Variants in CARMIL2 observed in about 807,000 individuals in gnomAD.
CARMIL2 encodes the protein capping protein, Arp2/3 and myosin-I linker protein 2.
Under a neutral mutation model 173.3 loss-of-function variants are expected in CARMIL2, and 96 were observed. That is an observed-to-expected ratio of 0.55 (90% CI 0.47 to 0.66). The LOEUF (loss-of-function observed/expected upper bound fraction) is 0.66. Among genes scored for constraint, CARMIL2 ranks in the 30% least tolerant of loss-of-function variants. The probability of loss-of-function intolerance (pLI) is 0.00; values close to 1 mark genes in which losing one functional copy is unlikely to be tolerated. For missense variants in CARMIL2, 1,771 were observed against 1,906.7 expected (o/e 0.93, Z 1.33); for synonymous variants, 830 against 817.1 (o/e 1.02, Z -0.27).
chr16:67,649,329 T>TG lies in CARMIL2; in HGVS notation c.1746+19dup. On this transcript the variant is annotated intron_variant, in intron 19 of 37. Coordinates refer to ENST00000334583, the MANE Select transcript of CARMIL2 (RefSeq NM_001013838.3). The surrounding 1 kb of genome is among the most constrained non-coding windows in gnomAD (Gnocchi z 6.7). The stretch of plus-strand genomic sequence containing the variant: ...ACGATTGTGTGAGTTCACGGGACCT[T>TG]GCAGGGCCTCGGGCAATTAGACCAC... 1 of 1,611,016 alleles carries TG rather than the reference T, an allele frequency of 6.2e-7. No homozygotes were observed. The highest frequency in any genetic ancestry group is 8.5e-7 in the Non-Finnish European group (1 of 1,179,512).
chr16:67,646,055 T>A lies in CARMIL2; in HGVS notation c.224T>A (p.Met75Lys). The A allele has an allele frequency of 6.2e-7, 1 of 1,613,784 alleles. No individual in the cohort carries two copies. The highest frequency in any genetic ancestry group is 8.5e-7 in the Non-Finnish European group (1 of 1,179,880). Residue 75 changes from methionine (M) to lysine (K), a missense_variant, in exon 4 of 38, where the codon ATG becomes AAG. This residue lies in a region of CARMIL2 where 944 missense variants were observed against 975.6 expected (regional missense o/e 0.97). Transcript: ENST00000334583. The surrounding 1 kb of genome is among the most constrained non-coding windows in gnomAD (Gnocchi z 4.6). ...TTCAGCTACCTGGAGGTCCAGGCCATGGCGCTGCAGGAGACACCCCCTCAG... is the reference window on the plus strand; with the variant it reads ...TTCAGCTACCTGGAGGTCCAGGCCAAGGCGCTGCAGGAGACACCCCCTCAG... ...CTFSYLEVQA[M>K]ALQETPPQVT...
At position 67,649,651 on chromosome 16, in the gene CARMIL2, G is replaced by T. The variant is rs766614374; in HGVS notation, c.1919+32G>T. 8.3e-6 allele frequency: 13 copies of T among 1,567,168 alleles called. No individual in the cohort carries two copies. In the Admixed American group the frequency reaches 2.3e-4, roughly 28 times the overall value. ...GGGGTCAGAGGGGTGGGACCAGCGG[G>T]CAGGGGGCGCGGTGGAGAGGAGGGC... On this transcript the variant is annotated intron_variant, in intron 20 of 37. Transcript: ENST00000334583. The surrounding 1 kb of genome is among the most constrained non-coding windows in gnomAD (Gnocchi z 6.7).
At position 67,645,200 on chromosome 16, in the gene CARMIL2, G is replaced by C. The variant is rs2052570583; in HGVS notation, c.-47G>C. On this transcript the variant is annotated 5_prime_UTR_variant, in exon 1 of 38. Coordinates refer to ENST00000334583, the MANE Select transcript of CARMIL2 (RefSeq NM_001013838.3). ...CTTCCTGTGTGCGCGCTCGTCCTCT[G>C]CTGTTTCCCGCCGGAGCTCGTTGGG... 1.3e-6 allele frequency: 2 copies of C among 1,504,630 alleles called. No individual in the cohort carries two copies. Among genetic ancestry groups the C allele is most frequent in the Non-Finnish European group, 1.8e-6 (2 of 1,109,322 alleles). 93.2% of individuals were successfully genotyped at this position (1,504,630 alleles called of 1,614,324 possible). A position where few individuals can be genotyped will look rare whatever the true frequency, so the allele number is the denominator to read the frequency against.
chr16:67,655,610 C>T (rs1193516196), intron 32 of CARMIL2, among the ~76,000 whole-genome samples: 1 of 152,110 alleles, frequency 6.6e-6, no homozygotes, highest in Non-Finnish European at 1.5e-5. Flanking sequence ...TCAGAGCCTC[C>T]ACACACGTCC....
At chr16:67,645,844 A>C in intron 3 of CARMIL2, 67 bp downstream of exon 3, 1 of 1,591,930 alleles carries the variant, frequency 6.3e-7, no homozygotes, top group South Asian at 1.1e-5. Context: ...CTGCATCTGC[A>C]GAGTGGTCCT....
At position 67,656,074 on chromosome 16, in the gene CARMIL2, G is replaced by A. The variant is rs771514327; in HGVS notation, c.3742+7G>A. The A allele has an allele frequency of 6.2e-7, 1 of 1,605,728 alleles. No homozygotes were observed. The highest frequency in any genetic ancestry group is 1.1e-5 in the South Asian group (1 of 89,854). Reference sequence around the variant, plus strand: ...AAGAAAGCTGGCTCAGATGGTAAGTGGGACCCTGGGGTGTGGCAGTACATT... The same window carrying A: ...AAGAAAGCTGGCTCAGATGGTAAGTAGGACCCTGGGGTGTGGCAGTACATT... On this transcript the variant is annotated splice_region_variant and intron_variant, in intron 33 of 37. Transcript: ENST00000334583.
In CARMIL2 at chr16:67,648,663, C is replaced by T. The variant is rs1175606101; in HGVS notation, c.1440-22C>T. On this transcript the variant is annotated intron_variant, in intron 15 of 37. Coordinates refer to ENST00000334583, the MANE Select transcript of CARMIL2 (RefSeq NM_001013838.3). This position sits in a 1 kb window ranked among gnomAD's most constrained non-coding sequence, Gnocchi z 6.1. ...AGCCCCCTGTCCCAGCTCCCGCCAC[C>T]CCGTGTAACGTCCTCTCCCAGAGCC... is the stretch of plus-strand genomic sequence containing the variant. The T allele has an allele frequency of 1.9e-6, 3 of 1,594,488 alleles. No individual in the cohort carries two copies. Among genetic ancestry groups the T allele is most frequent in the South Asian group, 1.1e-5 (1 of 87,938 alleles).
At position 67,651,245 on chromosome 16, in the gene CARMIL2, C is replaced by T. The variant is rs1334370421; in HGVS notation, c.2243C>T (p.Ala748Val). The change falls in exon 23 of 38, where the codon GCT becomes GTT. Residue 748 changes from alanine (A) to valine (V), a missense_variant. Ala to Val is a moderately conservative substitution (Grantham distance 64). Around this residue, in one of 3 missense-constraint regions of CARMIL2, gnomAD observed 10 missense variants for 27.6 expected, o/e 0.36. Transcript: ENST00000334583. The surrounding 1 kb of genome is among the most constrained non-coding windows in gnomAD (Gnocchi z 4.2). Reference protein sequence around the residue: ...QEHVELLGCGAGPQGEAAVRQ... With the variant: ...QEHVELLGCGVGPQGEAAVRQ... ...CATGTGGAGCTGCTGGGCTGTGGGG[C>T]TGGGCCCCAGGGTGAAGCCGCTGTG... The T allele has an allele frequency of 1.2e-6, 2 of 1,613,608 alleles. No individual in the cohort carries two copies. The highest frequency in any genetic ancestry group is 3.3e-5 in the Admixed American group (2 of 60,026).
At chr16:67,655,859 T>G (rs971844200) in intron 32 of CARMIL2, among the ~76,000 whole-genome samples, 172 bp from the exon 33 acceptor site, 5 of 152,200 alleles carry the variant, frequency 3.3e-5, no homozygotes, top group African/African-American at 4.8e-5. Flanking sequence ...CGGCCTGAAT[T>G]TAGAAATATT....
intron 3 of CARMIL2, 38 bp from the exon 4 acceptor site, chr16:67,645,980 C>G: frequency 6.2e-7 from 1 of 1,612,332 alleles, no homozygotes; most frequent in Admixed American, 1.7e-5. Context: ...GAGGGCGGGG[C>G]TGGGGGCTTG....
intron 32 of CARMIL2, 136 bp from the exon 33 acceptor site, chr16:67,655,895 G>A: frequency 1.1e-6 from 1 of 871,248 alleles, no homozygotes; most frequent in Non-Finnish European, 1.8e-6. Flanking sequence ...TTCTAAGAGG[G>A]CTGTACTGGG....
rs1424519317 is a variant in CARMIL2 at position 67,654,660 on chromosome 16, G to C, written c.3550G>C (p.Glu1184Gln). 2.5e-6 allele frequency: 4 copies of C among 1,586,454 alleles called. No individual in the cohort carries two copies. Among genetic ancestry groups the C allele is most frequent in the Non-Finnish European group, 3.4e-6 (4 of 1,164,962 alleles). Residue 1184 changes from glutamate (E) to glutamine (Q), a missense_variant, in exon 31 of 38, where the codon GAG becomes CAG. Around this residue, in one of 3 missense-constraint regions of CARMIL2, gnomAD observed 817 missense variants for 903.5 expected, o/e 0.90. Transcript: ENST00000334583. Reference protein sequence around the residue: ...AYSMILLPAEEEATLGARPDK... With the variant: ...AYSMILLPAEQEATLGARPDK... ...CTCGATGATACTGCTGCCTGCCGAG[G>C]AGGAGGCAACGCTGGGTGCCAGACC...
chr16:67,652,022 G>T lies in CARMIL2; in HGVS notation c.2676+14G>T, dbSNP rs556989928. ...CGGGATCAGCTGGTGAGGGGGAGAT[G>T]TGCACACACTTTCGTGCAAACACAC... On this transcript the variant is annotated intron_variant, in intron 26 of 37. Transcript: ENST00000334583. The surrounding 1 kb of genome is among the most constrained non-coding windows in gnomAD (Gnocchi z 4.7). The T allele has an allele frequency of 5.2e-5, 84 of 1,613,020 alleles. No homozygotes were observed. In the South Asian group the frequency reaches 8.6e-4, roughly 16 times the overall value.
chr16:67,645,843 C>A, intron 3 of CARMIL2, 66 bp downstream of exon 3: 1 of 1,590,260 alleles, frequency 6.3e-7, no homozygotes, highest in Non-Finnish European at 8.6e-7. Flanking sequence ...GCTGCATCTG[C>A]AGAGTGGTCC....
In CARMIL2 at chr16:67,646,773, G is replaced by A. The variant is rs757054458; in HGVS notation, c.526G>A (p.Glu176Lys). 5 of 1,613,958 alleles carry A rather than the reference G, an allele frequency of 3.1e-6. No individual in the cohort carries two copies. Among genetic ancestry groups the A allele is most frequent in the South Asian group, 1.1e-5 (1 of 91,078 alleles). Residue 176 changes from glutamate (E) to lysine (K), a missense_variant, in exon 7 of 38, where the codon GAG (glutamate) becomes AAG (lysine). By Grantham distance (56) the Glu-to-Lys change is moderately conservative (BLOSUM62 1). Coordinates refer to ENST00000334583, the MANE Select transcript of CARMIL2 (RefSeq NM_001013838.3). The surrounding 1 kb of genome is among the most constrained non-coding windows in gnomAD (Gnocchi z 4.6). ...CDYNGFPFRE[E>K]IQWDVDTIYH... ...CTACAATGGCTTCCCTTTCCGAGAG[G>A]AGATTCAGTGGGTGAGGGTAGGGCC...
In CARMIL2 at chr16:67,650,136, G is replaced by C. The variant is rs2052697370; in HGVS notation, c.2170G>C (p.Asp724His). 6.2e-7 allele frequency: 1 copy of C among 1,612,226 alleles called. No homozygotes were observed. The highest frequency in any genetic ancestry group is 1.1e-5 in the South Asian group (1 of 90,780). ...CCTTCAGCCACTTGGTCTGGTCTCA[G>C]ACCCCTCAGAGCAGGTCAATGTCCC... Reference protein sequence around the residue: ...TRLQPLGLVSDPSEQEVNELC... With the variant: ...TRLQPLGLVSHPSEQEVNELC... Residue 724 changes from aspartate to histidine, a missense_variant, in exon 22 of 38, where the codon GAC becomes CAC. Physicochemically the swap from Asp to His is moderately conservative, Grantham distance 81. Around this residue, in one of 3 missense-constraint regions of CARMIL2, gnomAD observed 944 missense variants for 975.6 expected, o/e 0.97. Coordinates refer to ENST00000334583, the MANE Select transcript of CARMIL2 (RefSeq NM_001013838.3).
rs1418125989 is a variant in CARMIL2 at position 67,646,909 on chromosome 16, A to G, written c.547A>G (p.Thr183Ala). Residue 183 changes from threonine (T) to alanine (A), a missense_variant, in exon 8 of 38, where the codon ACC becomes GCC. Physicochemically the swap from Thr to Ala is moderately conservative, Grantham distance 58. Around this residue, in one of 3 missense-constraint regions of CARMIL2, gnomAD observed 944 missense variants for 975.6 expected, o/e 0.97. Coordinates refer to ENST00000334583, the MANE Select transcript of CARMIL2 (RefSeq NM_001013838.3). This position sits in a 1 kb window ranked among gnomAD's most constrained non-coding sequence, Gnocchi z 4.6. Reference sequence around the variant, plus strand: ...TCTCCTTCTCACCCAGGACGTGGACACCATTTACCATCGCCAGGGCTGCCG... The same window carrying G: ...TCTCCTTCTCACCCAGGACGTGGACGCCATTTACCATCGCCAGGGCTGCCG... ...FREEIQWDVDTIYHRQGCRHF... is the reference protein window; with the variant it reads ...FREEIQWDVDAIYHRQGCRHF... 6.2e-7 allele frequency: 1 copy of G among 1,613,658 alleles called. No individual in the cohort carries two copies. Among genetic ancestry groups the G allele is most frequent in the Non-Finnish European group, 8.5e-7 (1 of 1,179,878 alleles).
Position 67,648,141 on chromosome 16 carries a change from C to T in CARMIL2, c.1161C>T (p.Cys387=), listed in dbSNP as rs371929361. The T allele has an allele frequency of 2.8e-5, 45 of 1,612,360 alleles. No homozygotes were observed. In the Middle Eastern group the frequency reaches 8.2e-4, roughly 29 times the overall value. Residue 387 remains cysteine (C), a synonymous_variant, in exon 14 of 38, where the codon TGC becomes TGT. Coordinates refer to ENST00000334583, the MANE Select transcript of CARMIL2 (RefSeq NM_001013838.3). The surrounding 1 kb of genome is among the most constrained non-coding windows in gnomAD (Gnocchi z 6.1). ...CTGCCCTGGACACTGTGAGGGGGTG[C>T]TCCGTGGGGGGATGGATGACCGGCA... ...TDTALDTVRG[C]SVGGWMTGRA...
Position 67,654,609 on chromosome 16 carries a change from C to T in CARMIL2, c.3499C>T (p.Arg1167Cys), listed in dbSNP as rs1325810952. The T allele has an allele frequency of 7.5e-6, 12 of 1,604,026 alleles. No homozygotes were observed. Among genetic ancestry groups the T allele is most frequent in the African/African-American group, 1.3e-5 (1 of 74,542 alleles). The change falls in exon 31 of 38, where the codon CGC becomes TGC. Residue 1167 changes from arginine (R) to cysteine (C), a missense_variant. Physicochemically the swap from Arg to Cys is radical, Grantham distance 180 (BLOSUM62 -3). Coordinates refer to ENST00000334583, the MANE Select transcript of CARMIL2 (RefSeq NM_001013838.3). ...TGACCCTGCCGGCAGGAGCCGACCT[C>T]GCTACACAAGAGATAGCAAGGCCTA... Reference protein sequence around the residue: ...SPDPAGRSRPRYTRDSKAYSM... With the variant: ...SPDPAGRSRPCYTRDSKAYSM...
Sources: allele counts gnomAD v4.1 joint callset (sites outside exome capture counted in the v4.1 genomes callset), GRCh38; gene constraint gnomAD v4.1.1; regional missense constraint gnomAD v4.1.1; non-coding constraint Gnocchi (gnomAD v3.1); transcripts MANE v1.5; gene names NCBI Gene and HGNC (gene_info 2026-07-23, HGNC 2026-07-21).